Variants in PRICKLE2 observed in about 807,000 individuals in gnomAD.
The protein encoded by PRICKLE2 is prickle-like protein 2.
In PRICKLE2, 21 loss-of-function variants were observed where a neutral mutation model predicts 81.4. The ratio of observed to expected loss-of-function variants is 0.26; its 90% CI spans 0.18 to 0.37. The LOEUF (loss-of-function observed/expected upper bound fraction) is 0.37, where lower values mean the gene tolerates loss of function less well. Ranked by LOEUF, PRICKLE2 falls within the 10% of genes least tolerant of loss-of-function variation. The probability of loss-of-function intolerance (pLI) is 1.00; values close to 1 mark genes in which losing one functional copy is unlikely to be tolerated. For missense variants in PRICKLE2, 940 were observed against 1,109.0 expected (o/e 0.85, Z 2.16); for synonymous variants, 456 against 421.5 (o/e 1.08, Z -1.00).
chr3:64,151,957 C>T (rs1423633685), intron 6 of PRICKLE2, among the ~76,000 whole-genome samples: 1 of 152,130 alleles, frequency 6.6e-6, no homozygotes, highest in Non-Finnish European at 1.5e-5. Context: ...GAGGTCTTCA[C>T]AGCAGAGCTT....
In PRICKLE2 at chr3:64,156,387, T is replaced by C. The variant is rs570633129; in HGVS notation, c.600+775A>G. ...CCACACTGCTATTTACAGAGAAAGA[T>C]AGATGCAAAAAACTCCTTTGCACAG... On this transcript the variant is annotated intron_variant, in intron 5 of 7. Coordinates refer to ENST00000638394, the MANE Select transcript of PRICKLE2 (RefSeq NM_198859.4). Among the ~76,000 whole-genome samples the C allele has an allele frequency of 2.0e-5, 3 of 152,302 alleles. No individual in the cohort carries two copies. In the East Asian group the frequency reaches 5.8e-4, roughly 29 times the overall value.
chr3:64,210,624 T>C (rs1032680267), intron 1 of PRICKLE2, among the ~76,000 whole-genome samples: 2 of 152,196 alleles, frequency 1.3e-5, no homozygotes, highest in African/African-American at 2.4e-5. Flanking sequence ...TCAGGGGCAG[T>C]TGTTTCCTCT....
chr3:64,159,999 A>G lies in PRICKLE2; in HGVS notation c.337T>C (p.Leu113=). The change falls in exon 4 of 8, where the codon TTG becomes CTG. Residue 113 remains leucine (L), a synonymous_variant. Transcript: ENST00000638394. The part of the protein sequence containing the change: ...LFSSQRKREN[L]GRGNVRPFPV... ...AAAGGCCTGACATTCCCGCGGCCCA[A>G]GTTTTCGCGTTTCCTCTGGCTGCTG... 1 of 1,614,170 alleles carries G rather than the reference A, an allele frequency of 6.2e-7. No individual in the cohort carries two copies. Among genetic ancestry groups the G allele is most frequent in the Non-Finnish European group, 8.5e-7 (1 of 1,180,036 alleles).
intron 5 of PRICKLE2, among the ~76,000 whole-genome samples, chr3:64,156,140 TCAA>T (rs1381194383): frequency 6.6e-6 from 1 of 152,192 alleles, no homozygotes; most frequent in Non-Finnish European, 1.5e-5. Context: ...GGCATGAAGG[TCAA>T]AAGGTGTTCT....
chr3:64,140,315 T>G (rs1478979308), intron 7 of PRICKLE2, among the ~76,000 whole-genome samples: 1 of 152,230 alleles, frequency 6.6e-6, no homozygotes, highest in East Asian at 1.9e-4. Context: ...TATTCTGCTA[T>G]AACTCACAGG....
chr3:64,113,079 G>A (rs189605197), intron 7 of PRICKLE2, among the ~76,000 whole-genome samples: 48 of 152,264 alleles, frequency 3.2e-4, no homozygotes, highest in South Asian at 1.0e-3. Context: ...ACCTGCTCTT[G>A]TCACAGGCCT....
At chr3:64,118,489 C>T (rs1163595479) in intron 7 of PRICKLE2, among the ~76,000 whole-genome samples, 1 of 151,836 alleles carries the variant, frequency 6.6e-6, no homozygotes, top group African/African-American at 2.4e-5. Context: ...GGAACTTAAA[C>T]AAATTTGCAA....
At chr3:64,217,759 T>G (rs188572004) in intron 1 of PRICKLE2, among the ~76,000 whole-genome samples, 1 of 152,136 alleles carries the variant, frequency 6.6e-6, no homozygotes, top group African/African-American at 2.4e-5. Flanking sequence ...TGTCGATTAT[T>G]TGTGAGGTCT....
chr3:64,101,258 G>C (rs2076656566), intron 7 of PRICKLE2: 1 of 152,208 alleles, frequency 6.6e-6, no homozygotes. Flanking sequence ...AGGGTACTCA[G>C]AGAAGCTTTC....
intron 7 of PRICKLE2, among the ~76,000 whole-genome samples, chr3:64,116,149 G>C (rs1196707740): frequency 2.0e-5 from 3 of 152,260 alleles, no homozygotes; most frequent in Middle Eastern, 3.4e-3. Context: ...AGAAAGTAAT[G>C]ACAACAAAGA....
intron 2 of PRICKLE2, among the ~76,000 whole-genome samples, chr3:64,254,555 A>G (rs2079497109): frequency 6.6e-6 from 1 of 152,178 alleles, no homozygotes; most frequent in Non-Finnish European, 1.5e-5. Context: ...ACTGGCCAGG[A>G]CTAATTATTA....
chr3:64,197,897 TAA>T (rs1055077382), intron 2 of PRICKLE2, among the ~76,000 whole-genome samples: 5 of 151,920 alleles, frequency 3.3e-5, no homozygotes, highest in African/African-American at 1.2e-4. Flanking sequence ...TTATCACACC[TAA>T]AGTTTCCAAG....
chr3:64,122,207 T>C (rs1311104156), intron 7 of PRICKLE2, among the ~76,000 whole-genome samples: 1 of 152,182 alleles, frequency 6.6e-6, no homozygotes, highest in Non-Finnish European at 1.5e-5. Context: ...GAAAGGAACA[T>C]AAATGAGAGA....
Position 64,094,445 on chromosome 3 carries a change from T to C in PRICKLE2, c.*4606A>G, listed in dbSNP as rs1339028822. 2.0e-5 allele frequency: 3 copies of C among 152,260 alleles called. No homozygotes were observed. The highest frequency in any genetic ancestry group is 7.2e-5 in the African/African-American group (3 of 41,474). 9.4% of individuals were successfully genotyped at this position (152,260 alleles called of 1,614,324 possible). A position where few individuals can be genotyped will look rare whatever the true frequency, so the allele number is the denominator to read the frequency against. ...CTCTCAGAATAGAACAAGCAGATTT[T>C]TCTCTATCCTATGGATTCATCGTAT... On this transcript the variant is annotated 3_prime_UTR_variant, in exon 8 of 8. Coordinates refer to ENST00000638394, the MANE Select transcript of PRICKLE2 (RefSeq NM_198859.4).
intron 7 of PRICKLE2, among the ~76,000 whole-genome samples, chr3:64,115,253 A>G (rs1426965639): frequency 6.6e-6 from 1 of 152,228 alleles, no homozygotes; most frequent in Non-Finnish European, 1.5e-5. Flanking sequence ...AACACACTGA[A>G]GTACCCAGAC....
At chr3:64,154,514 C>G (rs2077596916) in intron 5 of PRICKLE2, 1 of 152,066 alleles carries the variant, frequency 6.6e-6, no homozygotes, top group African/African-American at 2.4e-5. Flanking sequence ...CCACTGCACT[C>G]TAGCCTGGGT....
In PRICKLE2 at chr3:64,097,126, G is replaced by A. The variant is rs1336923419; in HGVS notation, c.*1925C>T. ...GCATTTAGATATGAAGATAGCATGC[G>A]GAAAACAGCCACAACCAACATGTGC... On this transcript the variant is annotated 3_prime_UTR_variant, in exon 8 of 8. Transcript: ENST00000638394. 6.6e-6 allele frequency: 1 copy of A among 152,416 alleles called. No individual in the cohort carries two copies. Among genetic ancestry groups the A allele is most frequent in the Non-Finnish European group, 1.5e-5 (1 of 68,006 alleles). The allele number at this position is 152,416 out of a possible 1,614,324, so 9.4% of individuals were successfully genotyped here. A position where few individuals can be genotyped will look rare whatever the true frequency, so the allele number is the denominator to read the frequency against.
chr3:64,112,978 T>C (rs2076873515), intron 7 of PRICKLE2, among the ~76,000 whole-genome samples: 1 of 152,082 alleles, frequency 6.6e-6, no homozygotes, highest in African/African-American at 2.4e-5. Context: ...CATAGAAATC[T>C]GGGAACCCTG....
At chr3:64,135,632 T>C (rs1267040958) in intron 7 of PRICKLE2, among the ~76,000 whole-genome samples, 1 of 151,952 alleles carries the variant, frequency 6.6e-6, no homozygotes, top group East Asian at 1.9e-4. Context: ...GGTCTGATTT[T>C]GATTTGGGGT....
Sources: allele counts gnomAD v4.1 joint callset (sites outside exome capture counted in the v4.1 genomes callset), GRCh38; gene constraint gnomAD v4.1.1; transcripts MANE v1.5; gene names NCBI Gene and HGNC (gene_info 2026-07-23, HGNC 2026-07-21).